Variants in GABRB2 observed in about 807,000 individuals in gnomAD.
GABRB2 encodes gamma-aminobutyric acid receptor subunit beta-2.
In GABRB2, 16 loss-of-function variants were observed where a neutral mutation model predicts 54.7. The ratio of observed to expected loss-of-function variants is 0.29; its 90% CI spans 0.20 to 0.44. The LOEUF (loss-of-function observed/expected upper bound fraction) is 0.44. GABRB2 is among the 20% of genes least tolerant of loss of function. GABRB2 has a pLI of 1.00. For synonymous variants in GABRB2, 244 were observed against 233.8 expected (o/e 1.04, Z -0.40); for missense variants, 355 against 644.0 (o/e 0.55, Z 4.86).
chr5:161,537,657 A>G (rs986093156), intron 3 of GABRB2, among the ~76,000 whole-genome samples: 1 of 151,984 alleles, frequency 6.6e-6, no homozygotes, highest in Non-Finnish European at 1.5e-5. Context: ...CCAACGTTAA[A>G]TTTTGCTCCA....
rs761087010 is a variant in GABRB2, at chr5:161,357,358, C to T, written c.542-20589G>A. On this transcript the variant is annotated intron_variant, in intron 5 of 9. Transcript: ENST00000393959. ...GAACATGTGTGGTATATTGGAGAGG[C>T]AATGAGAAATCCAGCATGGCTGGAA... is the stretch of plus-strand genomic sequence containing the variant. 2.6e-5 allele frequency among the ~76,000 whole-genome samples: 4 copies of T among 152,016 alleles called. 1 individual carries two copies. Among genetic ancestry groups the T allele is most frequent in the Non-Finnish European group, 5.9e-5 (4 of 68,010 alleles).
rs1239776759 is a variant in GABRB2, at chr5:161,403,990, G to T, written c.541+6985C>A. Among the ~76,000 whole-genome samples the T allele has an allele frequency of 2.0e-5, 3 of 152,020 alleles. No individual in the cohort carries two copies. In the East Asian group the frequency reaches 5.8e-4, roughly 29 times the overall value. On this transcript the variant is annotated intron_variant, in intron 5 of 9. Transcript: ENST00000393959. ...CTTTAGATAGAAAGAATTTCCTTGT[G>T]TTATTTTTAATATTCAATATTAAGA...
At chr5:161,455,965 G>A (rs1370694972) in intron 4 of GABRB2, among the ~76,000 whole-genome samples, 3 of 152,114 alleles carry the variant, frequency 2.0e-5, no homozygotes, top group African/African-American at 4.8e-5. Flanking sequence ...AATACCTGAA[G>A]ATTTCACTGA....
chr5:161,478,976 T>C (rs1240085370), intron 3 of GABRB2, among the ~76,000 whole-genome samples: 1 of 152,050 alleles, frequency 6.6e-6, no homozygotes, highest in African/African-American at 2.4e-5. Flanking sequence ...AGAAAGGACA[T>C]TTTAAAATAA....
At chr5:161,437,116 G>A (rs1485317339) in intron 4 of GABRB2, among the ~76,000 whole-genome samples, 1 of 152,160 alleles carries the variant, frequency 6.6e-6, no homozygotes, top group Non-Finnish European at 1.5e-5. Context: ...CCCAGAGACA[G>A]TGGACTGAGA....
intron 9 of GABRB2, among the ~76,000 whole-genome samples, chr5:161,307,633 G>T (rs194073): frequency 0.12 from 18,076 of 152,008 alleles, 1,173 homozygotes; most frequent in Non-Finnish European, 0.14. Context: ...ATGAGCAATG[G>T]TATTTGTAGG....
At chr5:161,363,767 A>C (rs1754893059) in intron 5 of GABRB2, among the ~76,000 whole-genome samples, 1 of 152,178 alleles carries the variant, frequency 6.6e-6, no homozygotes, top group Non-Finnish European at 1.5e-5. Context: ...AGAAACACAA[A>C]CTATATTTAC....
At chr5:161,495,287 T>C (rs546730635) in intron 3 of GABRB2, among the ~76,000 whole-genome samples, 40 of 152,138 alleles carry the variant, frequency 2.6e-4, no homozygotes, top group African/African-American at 9.4e-4. Context: ...TATCTAGTTA[T>C]TTGAAACCTA....
At chr5:161,327,273 T>A (rs550210193) in intron 8 of GABRB2, among the ~76,000 whole-genome samples, 11 of 152,334 alleles carry the variant, frequency 7.2e-5, no homozygotes, top group Non-Finnish European at 1.3e-4. Context: ...CACTTGCTTA[T>A]AAACTTTCAT....
At chr5:161,360,235 G>GA (rs536066932) in intron 5 of GABRB2, among the ~76,000 whole-genome samples, 24 of 150,896 alleles carry the variant, frequency 1.6e-4, no homozygotes, top group Admixed American at 4.0e-4. Flanking sequence ...TGGCTCTTTA[G>GA]AAAAAAAAAT....
intron 9 of GABRB2, among the ~76,000 whole-genome samples, chr5:161,324,105 A>G (rs886074688): frequency 6.6e-6 from 1 of 152,190 alleles, no homozygotes; most frequent in Non-Finnish European, 1.5e-5. Context: ...ATTCAATTAC[A>G]TATCTTATAG....
rs1175629531 is a variant in GABRB2 at position 161,291,374 on chromosome 5, C to A, written c.*2707G>T. ...ACTGGCTATCAAGCTGACTGGTCTT[C>A]CTAGACTTATCAGGTCTAGCACCCC... On this transcript the variant is annotated 3_prime_UTR_variant, in exon 10 of 10. Transcript: ENST00000393959. 1 of 152,138 alleles carries A rather than the reference C, an allele frequency of 6.6e-6. No homozygotes were observed. The allele number at this position is 152,138 out of a possible 1,614,324, so 9.4% of individuals were successfully genotyped here.
chr5:161,540,334 G>A (rs1422203322), intron 3 of GABRB2, among the ~76,000 whole-genome samples: 2 of 152,204 alleles, frequency 1.3e-5, no homozygotes. Context: ...GTGCATTGAA[G>A]TTTGATCATG....
At chr5:161,502,916 C>G (rs981996389) in intron 3 of GABRB2, among the ~76,000 whole-genome samples, 5 of 152,094 alleles carry the variant, frequency 3.3e-5, no homozygotes, top group African/African-American at 1.2e-4. Flanking sequence ...CAGGTGAAAA[C>G]TTTCTAAGGC....
At chr5:161,358,667 T>G (rs1198482331) in intron 5 of GABRB2, among the ~76,000 whole-genome samples, 3 of 152,112 alleles carry the variant, frequency 2.0e-5, no homozygotes, top group Non-Finnish European at 4.4e-5. Flanking sequence ...GTGTGGATTC[T>G]GGTAGGTGGG....
At chr5:161,337,063 C>T (rs1379075786) in intron 5 of GABRB2, among the ~76,000 whole-genome samples, 1 of 152,028 alleles carries the variant, frequency 6.6e-6, no homozygotes, top group African/African-American at 2.4e-5. Flanking sequence ...ATAGTTGGGA[C>T]TTAATAATAA....
chr5:161,470,954 T>A (rs1758420911), intron 3 of GABRB2, among the ~76,000 whole-genome samples: 1 of 151,998 alleles, frequency 6.6e-6, no homozygotes, highest in South Asian at 2.1e-4. Context: ...TTGTTCATGC[T>A]TCCTGCATGG....
rs141848015 is a variant in GABRB2 at position 161,413,119 on chromosome 5, G to A, written c.459-2062C>T. Among the ~76,000 whole-genome samples the A allele has an allele frequency of 3.4e-3, 521 of 152,112 alleles. 3 individuals carry two copies. The highest frequency in any genetic ancestry group is 0.012 in the African/African-American group (495 of 41,470). On this transcript the variant is annotated intron_variant, in intron 4 of 9. Transcript: ENST00000393959. ...CCAATAAAGTTTAAGCTGTTTAAGGGCACAGACTTTGTTCTATTTGCTGTT... is the reference window on the plus strand; with the variant it reads ...CCAATAAAGTTTAAGCTGTTTAAGGACACAGACTTTGTTCTATTTGCTGTT...
intron 4 of GABRB2, among the ~76,000 whole-genome samples, chr5:161,454,748 C>A (rs1757899626): frequency 6.6e-6 from 1 of 152,128 alleles, no homozygotes; most frequent in Admixed American, 6.5e-5. Flanking sequence ...CACCCCTCTT[C>A]CTATGAATGA....
Sources: gnomAD v4.1 joint callset for allele counts (sites outside exome capture counted in the v4.1 genomes callset) on GRCh38, gnomAD v4.1.1 for gene constraint, MANE v1.5 for transcripts, NCBI Gene and HGNC (gene_info 2026-07-23, HGNC 2026-07-21) for gene names.